NTN4: variants seen among roughly 807,000 people sequenced by gnomAD.
NTN4 encodes the protein netrin-4.
NTN4 carries 32 observed loss-of-function variants against 73.6 expected under a neutral mutation model. The ratio of observed to expected loss-of-function variants is 0.44; its 90% confidence interval spans 0.33 to 0.58. The LOEUF (loss-of-function observed/expected upper bound fraction) is 0.58. NTN4 is among the 20% of genes least tolerant of loss of function. The pLI is 0.04. For missense variants in NTN4, 654 were observed against 798.3 expected (o/e 0.82, Z 2.18); for synonymous variants, 258 against 287.5 (o/e 0.90, Z 1.04).
Position 95,737,925 on chromosome 12 carries a change from C to G in NTN4, c.805G>C (p.Asp269His). 6.2e-7 allele frequency: 1 copy of G among 1,614,120 alleles called. No individual in the cohort carries two copies. Among genetic ancestry groups the G allele is most frequent in the Non-Finnish European group, 8.5e-7 (1 of 1,180,010 alleles). ...KGSCFCNGHA[D>H]QCIPVHGFRP... ...AAGCCATGAACAGGTATGCATTGAT[C>G]AGCGTGGCCATTGCAGAAGCAGCTG... The change falls in exon 3 of 10, where the codon GAT becomes CAT. Residue 269 changes from aspartate (D) to histidine (H), a missense_variant. Physicochemically the swap from Asp to His is moderately conservative, Grantham distance 81. Coordinates refer to ENST00000343702, the MANE Select transcript of NTN4 (RefSeq NM_021229.4).
chr12:95,750,878 C>G (rs1181177325), intron 2 of NTN4, among the ~76,000 whole-genome samples: 179 of 151,146 alleles, frequency 1.2e-3, no homozygotes, highest in African/African-American at 4.0e-3. Context: ...TTACAGTTTC[C>G]TTCCGTGACT....
chr12:95,774,403 G>A (rs571183228), intron 2 of NTN4, among the ~76,000 whole-genome samples: 26 of 152,256 alleles, frequency 1.7e-4, no homozygotes, highest in South Asian at 4.2e-4. Context: ...GGGATGCAGC[G>A]CACTGGGAGC....
intron 7 of NTN4, among the ~76,000 whole-genome samples, chr12:95,682,067 T>TTTTTTTTTTTTG (rs2078321089): frequency 7.6e-6 from 1 of 132,278 alleles, no homozygotes; most frequent in African/African-American, 2.9e-5. Flanking sequence ...CTTTTTTTTT[T>TTTTTTTTTTTTG]TTTTTTTTTT....
At chr12:95,728,031 TTCTC>T (rs1038506127) in intron 3 of NTN4, among the ~76,000 whole-genome samples, 19 of 152,316 alleles carry the variant, frequency 1.2e-4, no homozygotes, top group African/African-American at 4.1e-4. Flanking sequence ...TTAAGTTTAT[TTCTC>T]TCTATTTTAT....
chr12:95,679,378 A>G (rs544101799), intron 7 of NTN4, among the ~76,000 whole-genome samples: 21 of 152,352 alleles, frequency 1.4e-4, no homozygotes, highest in Admixed American at 6.5e-5. Context: ...ATAAGGTAGC[A>G]TTACAGATAA....
intron 2 of NTN4, among the ~76,000 whole-genome samples, chr12:95,786,354 G>C (rs921304606): frequency 2.6e-5 from 4 of 152,178 alleles, no homozygotes; most frequent in African/African-American, 9.7e-5. Context: ...ATAGAAATTG[G>C]ATCAGTAGCT....
chr12:95,787,533 G>A, intron 1 of NTN4, 65 bp from the exon 2 acceptor site: 1 of 1,507,334 alleles, frequency 6.6e-7, no homozygotes, highest in Non-Finnish European at 9.1e-7. Context: ...TGGCCACCTA[G>A]TCCATCAACA....
intron 2 of NTN4, among the ~76,000 whole-genome samples, chr12:95,765,972 G>A (rs1592711947): frequency 6.6e-6 from 1 of 152,248 alleles, no homozygotes; most frequent in East Asian, 1.9e-4. Context: ...TCAGAGCCTG[G>A]TGACAGACTA....
chr12:95,703,771 A>G (rs1475326933), intron 5 of NTN4, among the ~76,000 whole-genome samples: 1 of 152,148 alleles, frequency 6.6e-6, no homozygotes, highest in Non-Finnish European at 1.5e-5. Flanking sequence ...AATTTATTCT[A>G]AAATATTCTA....
chr12:95,751,347 T>A (rs1175066923), intron 2 of NTN4, among the ~76,000 whole-genome samples: 1 of 152,092 alleles, frequency 6.6e-6, no homozygotes, highest in African/African-American at 2.4e-5. Flanking sequence ...GCCTCCACTG[T>A]GAGACAAACC....
intron 3 of NTN4, among the ~76,000 whole-genome samples, chr12:95,734,550 A>G (rs2078761476): frequency 6.6e-6 from 1 of 152,236 alleles, no homozygotes; most frequent in Non-Finnish European, 1.5e-5. Flanking sequence ...GCAAAAGAAC[A>G]GCATTTCTTA....
At chr12:95,672,427 G>T in intron 7 of NTN4, 1 of 1,259,900 alleles carries the variant, frequency 7.9e-7, no homozygotes. Flanking sequence ...AAGCGCAGGC[G>T]GGCAGGCGCT....
At chr12:95,747,972 C>T (rs946421463) in intron 2 of NTN4, among the ~76,000 whole-genome samples, 1 of 151,746 alleles carries the variant, frequency 6.6e-6, no homozygotes, top group African/African-American at 2.4e-5. Context: ...TGGCTCACAC[C>T]TGTAATTACA....
At chr12:95,779,187 C>A (rs1166647377) in intron 2 of NTN4, among the ~76,000 whole-genome samples, 1 of 152,088 alleles carries the variant, frequency 6.6e-6, no homozygotes, top group Non-Finnish European at 1.5e-5. Flanking sequence ...GTATGACAAA[C>A]CCACAGCCAA....
intron 8 of NTN4, among the ~76,000 whole-genome samples, chr12:95,669,347 C>G (rs1305382824): frequency 6.6e-6 from 1 of 152,050 alleles, no homozygotes; most frequent in Middle Eastern, 3.4e-3. Context: ...CCTTTTTGTA[C>G]AGGATGTATT....
intron 3 of NTN4, among the ~76,000 whole-genome samples, chr12:95,715,365 G>A (rs527687305): frequency 6.6e-6 from 1 of 151,400 alleles, no homozygotes; most frequent in East Asian, 1.9e-4. Context: ...AGGGTAAATT[G>A]GCTCCTTGAA....
intron 2 of NTN4, among the ~76,000 whole-genome samples, chr12:95,780,737 C>G (rs1592719899): frequency 6.6e-6 from 1 of 152,320 alleles, no homozygotes; most frequent in African/African-American, 2.4e-5. Flanking sequence ...GTGGAAGACA[C>G]TGTGGCGATT....
chr12:95,702,866 T>G (rs1469302042), intron 5 of NTN4, among the ~76,000 whole-genome samples: 1 of 148,528 alleles, frequency 6.7e-6, no homozygotes, highest in Non-Finnish European at 1.5e-5. Flanking sequence ...TGGTTTTTTT[T>G]TTTTTTGAGA....
chr12:95,658,981 GT>G lies in NTN4; in HGVS notation c.*104del. 1 of 1,015,616 alleles carries G rather than the reference GT, an allele frequency of 9.8e-7. No individual in the cohort carries two copies. The highest frequency in any genetic ancestry group is 1.4e-6 in the Non-Finnish European group (1 of 694,284). 62.9% of individuals were successfully genotyped at this position (1,015,616 alleles called of 1,614,324 possible). Reference sequence around the variant, plus strand: ...CCCATGCATTCAAACATTTCTATATGTTTTGGCACTTTAAAAAATTCCAGTT... The same window carrying G: ...CCCATGCATTCAAACATTTCTATATGTTTGGCACTTTAAAAAATTCCAGTT... On this transcript the variant is annotated 3_prime_UTR_variant, in exon 10 of 10. Coordinates refer to ENST00000343702, the MANE Select transcript of NTN4 (RefSeq NM_021229.4).
Sources: allele counts gnomAD v4.1 joint callset (sites outside exome capture counted in the v4.1 genomes callset), GRCh38; gene constraint gnomAD v4.1.1; transcripts MANE v1.5; gene names NCBI Gene and HGNC (gene_info 2026-07-23, HGNC 2026-07-21).